The following EPHA8 variants were observed in gnomAD, a reference collection of about 807,000 sequenced individuals.
EPHA8 encodes EPH receptor A8, also known as ephrin type-A receptor 8.
Under a neutral mutation model 103.6 loss-of-function variants are expected in EPHA8, and 58 were observed. The observed-to-expected ratio is 0.56, with a 90% CI of 0.45 to 0.70. The LOEUF is 0.70. EPHA8 is among the 30% of genes least tolerant of loss of function. The probability of loss-of-function intolerance (pLI) is 0.00; values close to 1 mark genes in which losing one functional copy is unlikely to be tolerated. For synonymous variants in EPHA8, 559 were observed against 572.5 expected, an observed-to-expected ratio of 0.98 and a Z score of 0.34; for missense variants, 1,304 against 1,395.2, an observed-to-expected ratio of 0.93 and a Z score of 1.04.
chr1:22,570,495 G>T (rs1034578911), intron 2 of EPHA8, among the ~76,000 whole-genome samples: 1 of 152,244 alleles, frequency 6.6e-6, no homozygotes, highest in Non-Finnish European at 1.5e-5. Context: ...GAGGACAGAA[G>T]AATAATAATA....
At chr1:22,570,699 C>T (rs951425521) in intron 2 of EPHA8, among the ~76,000 whole-genome samples, 2 of 152,334 alleles carry the variant, frequency 1.3e-5, no homozygotes, top group East Asian at 3.9e-4. Context: ...CCTCATGCAC[C>T]GGGCTCCCGG....
rs1235385455 is a variant in EPHA8 at position 22,600,956 on chromosome 1, C to T, written c.2597C>T (p.Ala866Val). 8 of 1,612,688 alleles carry T rather than the reference C, an allele frequency of 5.0e-6. No homozygotes were observed. The highest frequency in any genetic ancestry group is 6.8e-6 in the Non-Finnish European group (8 of 1,179,734). The stretch of plus-strand genomic sequence containing the variant: ...CCCGCACCCATGGGCTGCCCCCACG[C>T]CCTGCACCAGCTCATGCTCGACTGT... The part of the protein sequence containing the change: ...RLPAPMGCPH[A>V]LHQLMLDCWH... Residue 866 changes from alanine to valine, a missense_variant, in exon 15 of 17, where the codon GCC becomes GTC. Ala to Val is a moderately conservative substitution (Grantham distance 64). Coordinates refer to ENST00000166244, the MANE Select transcript of EPHA8 (RefSeq NM_020526.5).
intron 3 of EPHA8, among the ~76,000 whole-genome samples, chr1:22,579,167 A>G (rs1454752632): frequency 6.9e-6 from 1 of 145,154 alleles, no homozygotes; most frequent in Non-Finnish European, 1.5e-5. Flanking sequence ...GTATGTATGC[A>G]TGTGTGTGCA....
chr1:22,600,674 C>T lies in EPHA8; in HGVS notation c.2402C>T (p.Pro801Leu). Residue 801 changes from proline to leucine, a missense_variant, in exon 14 of 17, where the codon CCC becomes CTC. Coordinates refer to ENST00000166244, the MANE Select transcript of EPHA8 (RefSeq NM_020526.5). Reference sequence around the variant, plus strand: ...TGTCCGTCGCAGGGCGGGAAGATCCCCATCCGCTGGACGGCCCCAGAGGCC... The same window carrying T: ...TGTCCGTCGCAGGGCGGGAAGATCCTCATCCGCTGGACGGCCCCAGAGGCC... ...AAYTTTGGKI[P>L]IRWTAPEAIA... is the part of the protein sequence containing the mutation. The T allele has an allele frequency of 1.2e-6, 2 of 1,613,436 alleles. No individual in the cohort carries two copies. The highest frequency in any genetic ancestry group is 1.1e-5 in the South Asian group (1 of 91,078).
intron 3 of EPHA8, among the ~76,000 whole-genome samples, chr1:22,578,531 A>G (rs544459641): frequency 5.5e-4 from 64 of 116,604 alleles, no homozygotes; most frequent in Non-Finnish European, 9.0e-4. Context: ...ATGTGTGCAT[A>G]TGCGTGCATG....
intron 3 of EPHA8, among the ~76,000 whole-genome samples, chr1:22,579,026 A>C (rs1457981810): frequency 8.2e-6 from 1 of 122,190 alleles, no homozygotes; most frequent in Non-Finnish European, 1.7e-5. Flanking sequence ...TATGTGCAAG[A>C]GTATGTATGC....
rs540115184 is a variant in EPHA8 at position 22,567,542 on chromosome 1, C to T, written c.95-1747C>T. ...GCCCCTGGGGACCCAGGGAGGAATG[C>T]AGGGAGGAGCGCGGAGACCCCCTCC... On this transcript the variant is annotated intron_variant, in intron 1 of 16. Transcript: ENST00000166244. This position sits in a 1 kb window ranked among gnomAD's most constrained non-coding sequence, Gnocchi z 4.2. Among the ~76,000 whole-genome samples the T allele has an allele frequency of 5.3e-5, 8 of 152,194 alleles. No homozygotes were observed. The highest frequency in any genetic ancestry group is 3.9e-4 in the East Asian group (2 of 5,150).
chr1:22,588,925 C>T lies in EPHA8; in HGVS notation c.1034C>T (p.Thr345Ile), dbSNP rs774675715. 1 of 1,609,926 alleles carries T rather than the reference C, an allele frequency of 6.2e-7. No homozygotes were observed. Among genetic ancestry groups the T allele is most frequent in the East Asian group, 2.2e-5 (1 of 44,872 alleles). The change falls in exon 5 of 17, where the codon ACT (threonine) becomes ATT (isoleucine). Residue 345 changes from threonine (T) to isoleucine (I), a missense_variant. Coordinates refer to ENST00000166244, the MANE Select transcript of EPHA8 (RefSeq NM_020526.5). ...TCCAGTGTGAATGGGACATCAGTGA[C>T]TCTGGAGTGGGCCCCTCCCCTGGAC... ...LISSVNGTSV[T>I]LEWAPPLDPG...
chr1:22,591,311 A>G (rs1332533358), intron 5 of EPHA8, among the ~76,000 whole-genome samples: 1 of 151,990 alleles, frequency 6.6e-6, no homozygotes, highest in African/African-American at 2.4e-5. Flanking sequence ...TGCAGTCTTG[A>G]TCTCCGGAGC....
chr1:22,600,148 GGGAGGGAA>G (rs1340434758), intron 13 of EPHA8, among the ~76,000 whole-genome samples: 2 of 127,544 alleles, frequency 1.6e-5, no homozygotes. Flanking sequence ...GGAGGAGGGA[GGGAGGGAA>G]GGAGGGAGGC....
chr1:22,585,663 G>A (rs1204145439), intron 3 of EPHA8, among the ~76,000 whole-genome samples: 1 of 152,228 alleles, frequency 6.6e-6, no homozygotes, highest in Non-Finnish European at 1.5e-5. Flanking sequence ...TGGGTGGGGG[G>A]AGGCAGGGCT....
rs1557561800 is a variant in EPHA8 at position 22,578,874 on chromosome 1, T to TG, written c.823+1994_823+1995insG. On this transcript the variant is annotated intron_variant, in intron 3 of 16. Coordinates refer to ENST00000166244, the MANE Select transcript of EPHA8 (RefSeq NM_020526.5). ...GCATGCATGTGTGTATATGCACGTG[T>TG]CCGTGTGTCCGTGTGTGCATGTGTG... Among the ~76,000 whole-genome samples, 187 of 130,408 alleles carry TG rather than the reference T, an allele frequency of 1.4e-3. 1 individual carries two copies. The highest frequency in any genetic ancestry group is 7.3e-3 in the African/African-American group (175 of 24,004). 85.6% of individuals were successfully genotyped at this position (130,408 alleles called of 152,430 possible).
Position 22,598,323 on chromosome 1 carries a change from G to C in EPHA8, c.2178+111G>C, listed in dbSNP as rs760801118. ...CCCCCTCCCTGGCTTGGACACCACAGGCCGGGGGACAGGAGGCAGGTATAG... is the reference window on the plus strand; with the variant it reads ...CCCCCTCCCTGGCTTGGACACCACACGCCGGGGGACAGGAGGCAGGTATAG... On this transcript the variant is annotated intron_variant, in intron 12 of 16. Transcript: ENST00000166244. This position sits in a 1 kb window ranked among gnomAD's most constrained non-coding sequence, Gnocchi z 5.1. The C allele has an allele frequency of 1.4e-5, 15 of 1,087,714 alleles. No homozygotes were observed. Among genetic ancestry groups the C allele is most frequent in the Non-Finnish European group, 2.0e-5 (15 of 747,958 alleles). 67.4% of individuals were successfully genotyped at this position (1,087,714 alleles called of 1,614,324 possible).
intron 2 of EPHA8, among the ~76,000 whole-genome samples, chr1:22,571,042 G>A (rs901836523): frequency 2.0e-5 from 3 of 152,160 alleles, no homozygotes; most frequent in African/African-American, 4.8e-5. Flanking sequence ...AGGAGGGCAC[G>A]CCTGGGCCCT....
chr1:22,586,647 T>C lies in EPHA8; in HGVS notation c.979+12T>C. On this transcript the variant is annotated intron_variant, in intron 4 of 16. Coordinates refer to ENST00000166244, the MANE Select transcript of EPHA8 (RefSeq NM_020526.5). ...CTCAGCCTGCACCCGTGAGTACCAC[T>C]CCGAGATGCCAGTACCCTTGAGCCC... 1.2e-6 allele frequency: 2 copies of C among 1,612,884 alleles called. No individual in the cohort carries two copies. Among genetic ancestry groups the C allele is most frequent in the Non-Finnish European group, 1.7e-6 (2 of 1,179,286 alleles).
Position 22,601,847 on chromosome 1 carries a change from C to A in EPHA8, c.*106C>A. 1 of 1,094,484 alleles carries A rather than the reference C, an allele frequency of 9.1e-7. No homozygotes were observed. The highest frequency in any genetic ancestry group is 1.4e-5 in the South Asian group (1 of 71,772). 67.8% of individuals were successfully genotyped at this position (1,094,484 alleles called of 1,614,324 possible). ...AGGCAGGGCGGCCCCAGGCCTCTGCCCTCCTCTCAGGTGCTGGAGGAGCTG... is the reference window on the plus strand; with the variant it reads ...AGGCAGGGCGGCCCCAGGCCTCTGCACTCCTCTCAGGTGCTGGAGGAGCTG... On this transcript the variant is annotated 3_prime_UTR_variant, in exon 17 of 17. Transcript: ENST00000166244.
intron 3 of EPHA8, among the ~76,000 whole-genome samples, chr1:22,577,886 TGA>T (rs1043880110): frequency 1.4e-4 from 17 of 120,384 alleles, no homozygotes; most frequent in African/African-American, 2.9e-4. Flanking sequence ...CCTGTGTTCA[TGA>T]GTGTGTGCAT....
chr1:22,591,112 G>T (rs1286379498), intron 5 of EPHA8, among the ~76,000 whole-genome samples: 2 of 152,090 alleles, frequency 1.3e-5, no homozygotes, highest in African/African-American at 2.4e-5. Context: ...AGTGAGGGCT[G>T]GGTGTGGTGG....
chr1:22,585,476 C>G (rs1348533117), intron 3 of EPHA8, among the ~76,000 whole-genome samples: 1 of 152,178 alleles, frequency 6.6e-6, no homozygotes, highest in African/African-American at 2.4e-5. Flanking sequence ...GGAAGTAGCT[C>G]CTCCCACCAT....
Sources: gnomAD v4.1 joint callset for allele counts (sites outside exome capture counted in the v4.1 genomes callset) on GRCh38, gnomAD v4.1.1 for gene constraint, Gnocchi (gnomAD v3.1) non-coding constraint, MANE v1.5 for transcripts, NCBI Gene and HGNC (gene_info 2026-07-23, HGNC 2026-07-21) for gene names.